XPR1: variants seen among roughly 807,000 people sequenced by gnomAD.
XPR1 encodes solute carrier family 53 member 1.
Under a neutral mutation model 87.5 loss-of-function variants are expected in XPR1, and 28 were observed. That is an observed-to-expected ratio of 0.32 (90% CI 0.24 to 0.44). XPR1 has a LOEUF of 0.44. Among genes scored for constraint, XPR1 ranks in the 20% least tolerant of loss-of-function variants. The probability of loss-of-function intolerance (pLI) is 1.00; values close to 1 mark genes in which losing one functional copy is unlikely to be tolerated. For missense variants in XPR1, 559 were observed against 862.3 expected, an observed-to-expected ratio of 0.65 and a Z score of 4.41; for synonymous variants, 300 against 306.1, an observed-to-expected ratio of 0.98 and a Z score of 0.21.
rs1026286440 is a variant in XPR1 at position 180,888,808 on chromosome 1, A to G, written c.*4742A>G. 1 of 152,242 alleles carries G rather than the reference A, an allele frequency of 6.6e-6. No homozygotes were observed. 9.4% of individuals were successfully genotyped at this position (152,242 alleles called of 1,614,324 possible). ...TTAAGTCTATACAATGTTAGAGCAC[A>G]TGGTAATGTGGGACAGAGTTGATTA... On this transcript the variant is annotated 3_prime_UTR_variant, in exon 15 of 15. Transcript: ENST00000367590.
At chr1:180,779,625 C>T (rs1473942192) in intron 2 of XPR1, among the ~76,000 whole-genome samples, 3 of 151,216 alleles carry the variant, frequency 2.0e-5, no homozygotes, top group Non-Finnish European at 4.4e-5. Flanking sequence ...GTGGTGGGCA[C>T]CTATAATCCC....
chr1:180,743,224 T>A (rs867534074), intron 2 of XPR1, among the ~76,000 whole-genome samples: 4 of 149,382 alleles, frequency 2.7e-5, no homozygotes, highest in African/African-American at 2.5e-5. Flanking sequence ...CTTTTTTTTT[T>A]GGGGGGGGAG....
intron 1 of XPR1, among the ~76,000 whole-genome samples, chr1:180,639,422 A>G (rs1654896004): frequency 6.6e-6 from 1 of 152,244 alleles, no homozygotes; most frequent in Non-Finnish European, 1.5e-5. Flanking sequence ...TTAAGAAAAC[A>G]TAGTCATCTT....
At chr1:180,649,613 G>A (rs1400807510) in intron 1 of XPR1, among the ~76,000 whole-genome samples, 1 of 152,106 alleles carries the variant, frequency 6.6e-6, no homozygotes, top group African/African-American at 2.4e-5. Flanking sequence ...TAGTTTTCCT[G>A]CAGTTAGACT....
At chr1:180,720,552 G>GA (rs1557973483) in intron 2 of XPR1, among the ~76,000 whole-genome samples, 1 of 152,184 alleles carries the variant, frequency 6.6e-6, no homozygotes, top group Non-Finnish European at 1.5e-5. Flanking sequence ...TATATGGCAT[G>GA]AAAAATGAAT....
At chr1:180,679,201 C>CA (rs1320870145) in intron 1 of XPR1, among the ~76,000 whole-genome samples, 2 of 150,548 alleles carry the variant, frequency 1.3e-5, no homozygotes, top group African/African-American at 4.9e-5. Context: ...TCTCAAAAAA[C>CA]AAAAAAACAA....
At chr1:180,702,293 T>A (rs1263713273) in intron 2 of XPR1, among the ~76,000 whole-genome samples, 1 of 127,178 alleles carries the variant, frequency 7.9e-6, no homozygotes, top group African/African-American at 3.1e-5. Flanking sequence ...TGCACTGTGG[T>A]CTGAGAGATA....
intron 1 of XPR1, among the ~76,000 whole-genome samples, chr1:180,667,655 G>T (rs1376194562): frequency 6.6e-6 from 1 of 152,062 alleles, no homozygotes; most frequent in Admixed American, 6.5e-5. Context: ...TCAGTTTTTT[G>T]GAAAAGTTTG....
intron 2 of XPR1, among the ~76,000 whole-genome samples, chr1:180,765,611 A>G (rs1004998317): frequency 6.6e-6 from 1 of 152,244 alleles, no homozygotes; most frequent in African/African-American, 2.4e-5. Flanking sequence ...TAGTATTTAC[A>G]TATAACATAA....
rs1329777848 is a variant in XPR1 at position 180,830,436 on chromosome 1, C to T, written c.1135-4438C>T. 2.0e-5 allele frequency among the ~76,000 whole-genome samples: 3 copies of T among 152,084 alleles called. No individual in the cohort carries two copies. In the East Asian group the frequency reaches 5.8e-4, roughly 29 times the overall value. On this transcript the variant is annotated intron_variant, in intron 9 of 14. Coordinates refer to ENST00000367590, the MANE Select transcript of XPR1 (RefSeq NM_004736.4). ...GCTTCCAAAGCTCCAAGAAAGTACC[C>T]GTCATAGGTAGTTGACATCCAGGAT...
At chr1:180,840,799 A>G (rs150305869) in intron 11 of XPR1, among the ~76,000 whole-genome samples, 6 of 152,180 alleles carry the variant, frequency 3.9e-5, no homozygotes, top group African/African-American at 9.6e-5. Flanking sequence ...ATATATGTAT[A>G]TATGTCCATG....
intron 2 of XPR1, among the ~76,000 whole-genome samples, chr1:180,760,230 T>C (rs1647958025): frequency 6.6e-6 from 1 of 152,108 alleles, no homozygotes. Context: ...CTCTTACCGC[T>C]CCTATTCAAC....
intron 6 of XPR1, among the ~76,000 whole-genome samples, chr1:180,810,340 G>A (rs1490517893): frequency 6.6e-6 from 1 of 152,134 alleles, no homozygotes; most frequent in Non-Finnish European, 1.5e-5. Flanking sequence ...CAGCACTTTG[G>A]GAGGCCAAGG....
rs2101930164 is a variant in XPR1 at position 180,670,511 on chromosome 1, A to C, written c.70-11849A>C. On this transcript the variant is annotated intron_variant, in intron 1 of 14. Coordinates refer to ENST00000367590, the MANE Select transcript of XPR1 (RefSeq NM_004736.4). Reference sequence around the variant, plus strand: ...ACTGCTTCTTTACAACTCCATCTTCATCACTTTCAGTTGTGCAGATGTCAT... The same window carrying C: ...ACTGCTTCTTTACAACTCCATCTTCCTCACTTTCAGTTGTGCAGATGTCAT... Among the ~76,000 whole-genome samples the C allele has an allele frequency of 1.3e-5, 2 of 152,346 alleles. 1 individual carries two copies. The highest frequency in any genetic ancestry group is 4.1e-4 in the South Asian group (2 of 4,828).
intron 7 of XPR1, among the ~76,000 whole-genome samples, chr1:180,815,554 A>G (rs1331342882): frequency 6.6e-6 from 1 of 152,130 alleles, no homozygotes; most frequent in Non-Finnish European, 1.5e-5. Flanking sequence ...AATGTGCATA[A>G]TTGCTGTGGT....
chr1:180,867,339 G>T (rs1198221245), intron 12 of XPR1, among the ~76,000 whole-genome samples: 50 of 66,068 alleles, frequency 7.6e-4, no homozygotes, highest in South Asian at 1.1e-3. Context: ...GTAATGGGAT[G>T]GCTGGGTCAA....
intron 2 of XPR1, among the ~76,000 whole-genome samples, chr1:180,773,719 GT>G (rs11326223): frequency 0.31 from 47,688 of 151,962 alleles, 8,197 homozygotes; most frequent in Non-Finnish European, 0.38. Flanking sequence ...AAGATGGCAT[GT>G]TTTCTTTTCC....
intron 2 of XPR1, among the ~76,000 whole-genome samples, chr1:180,717,350 A>C (rs1305020910): frequency 3.9e-5 from 6 of 152,170 alleles, no homozygotes; most frequent in Non-Finnish European, 8.8e-5. Context: ...ATAGGCATAA[A>C]ATTTAAGAAG....
Position 180,635,878 on chromosome 1 carries a change from G to C in XPR1, c.69+3608G>C, listed in dbSNP as rs963624265. On this transcript the variant is annotated intron_variant, in intron 1 of 14. Transcript: ENST00000367590. The stretch of plus-strand genomic sequence containing the variant: ...AGGACTCATCCAGCTCTAAAATTCT[G>C]TGTTTTTAAATGGTTTTATTATGTT... Among the ~76,000 whole-genome samples, 15 of 152,254 alleles carry C rather than the reference G, an allele frequency of 9.9e-5. No homozygotes were observed. In the South Asian group the frequency reaches 3.1e-3, roughly 32 times the overall value.
Sources: allele counts gnomAD v4.1 joint callset (sites outside exome capture counted in the v4.1 genomes callset), GRCh38; gene constraint gnomAD v4.1.1; transcripts MANE v1.5; gene names NCBI Gene and HGNC (gene_info 2026-07-23, HGNC 2026-07-21).